DISC1: variants seen among roughly 807,000 people sequenced by gnomAD.
DISC1 encodes the protein DISC1 scaffold protein.
Under a neutral mutation model 84.5 loss-of-function variants are expected in DISC1, and 57 were observed. The ratio of observed to expected loss-of-function variants is 0.67; its 90% CI spans 0.55 to 0.84. The LOEUF (loss-of-function observed/expected upper bound fraction) is 0.84. DISC1 is among the 40% of genes least tolerant of loss of function. DISC1 has a pLI of 0.00. For missense variants in DISC1, 1,000 were observed against 1,057.8 expected (o/e 0.95, Z 0.76); for synonymous variants, 411 against 415.2 (o/e 0.99, Z 0.12).
At chr1:231,939,259 T>G (rs2091160812) in intron 9 of DISC1, among the ~76,000 whole-genome samples, 3 of 152,220 alleles carry the variant, frequency 2.0e-5, no homozygotes, top group Admixed American at 2.0e-4. Context: ...TTAATGCTGT[T>G]TTTTCACCGT....
At chr1:231,767,384 C>G in intron 5 of DISC1, 115 bp downstream of exon 5, 2 of 1,436,044 alleles carry the variant, frequency 1.4e-6, no homozygotes, top group Non-Finnish European at 1.9e-6. Flanking sequence ...CTCATTGCAG[C>G]CTTGAGCTCC....
In DISC1 at chr1:231,942,494, G is replaced by A. The variant is rs886462895; in HGVS notation, c.1982-16334G>A. 3.3e-5 allele frequency among the ~76,000 whole-genome samples: 5 copies of A among 152,106 alleles called. No individual in the cohort carries two copies. The East Asian group carries it at 5.8e-4, about 18-fold the overall frequency. On this transcript the variant is annotated intron_variant, in intron 9 of 12. Transcript: ENST00000439617. ...ACCGTGGCTAATATGGTGAAACCCC[G>A]TCTCTACTAAAAATACAAAAATTAG...
At chr1:231,647,935 C>T (rs2060274953) in intron 1 of DISC1, among the ~76,000 whole-genome samples, 1 of 152,188 alleles carries the variant, frequency 6.6e-6, no homozygotes, top group South Asian at 2.1e-4. Flanking sequence ...ACTGAAGTTG[C>T]TTATCTGCTT....
chr1:231,674,156 C>G (rs2062905699), intron 1 of DISC1, among the ~76,000 whole-genome samples: 1 of 152,136 alleles, frequency 6.6e-6, no homozygotes, highest in South Asian at 2.1e-4. Flanking sequence ...ATGTTAAGAG[C>G]TTAGAATATG....
At chr1:232,018,931 G>T (rs1215951581) in intron 11 of DISC1, among the ~76,000 whole-genome samples, 1 of 152,144 alleles carries the variant, frequency 6.6e-6, no homozygotes, top group African/African-American at 2.4e-5. Flanking sequence ...CTTCTTGTTG[G>T]TTTTCCTTCC....
At chr1:231,958,797 A>G (rs1344373917) in intron 9 of DISC1, 31 bp from the exon 10 acceptor site, 7 of 1,606,530 alleles carry the variant, frequency 4.4e-6, no homozygotes, top group South Asian at 1.1e-5. Flanking sequence ...CTGCAGTTGC[A>G]TTAACTTTGG....
chr1:231,970,615 TGGTG>T (rs1661811707), intron 10 of DISC1, among the ~76,000 whole-genome samples: 1 of 152,146 alleles, frequency 6.6e-6, no homozygotes, highest in African/African-American at 2.4e-5. Flanking sequence ...TCAAATGCGG[TGGTG>T]TTTTTGAAAG....
At chr1:231,939,829 G>T (rs188092217) in intron 9 of DISC1, among the ~76,000 whole-genome samples, 39 of 151,726 alleles carry the variant, frequency 2.6e-4, no homozygotes, top group African/African-American at 9.4e-4. Flanking sequence ...CGCAACCTCC[G>T]CCTCCCAGGT....
intron 9 of DISC1, among the ~76,000 whole-genome samples, chr1:231,863,300 G>C (rs2084814947): frequency 8.1e-6 from 1 of 123,476 alleles, no homozygotes; most frequent in Non-Finnish European, 1.6e-5. Flanking sequence ...GTGCGATCTT[G>C]GCTCACTGCG....
At chr1:231,905,845 G>A (rs1488003487) in intron 9 of DISC1, among the ~76,000 whole-genome samples, 2 of 151,888 alleles carry the variant, frequency 1.3e-5, no homozygotes, top group Non-Finnish European at 2.9e-5. Context: ...TTATATTGTG[G>A]TTATTTAGGA....
intron 6 of DISC1, among the ~76,000 whole-genome samples, chr1:231,792,180 G>A (rs1448579653): frequency 1.3e-5 from 2 of 152,236 alleles, no homozygotes; most frequent in East Asian, 1.9e-4. Context: ...AAGGAATATA[G>A]CATAAATTAA....
chr1:232,031,522 A>G lies in DISC1; in HGVS notation c.2425+4970A>G, dbSNP rs573664506. Among the ~76,000 whole-genome samples, 2 of 152,142 alleles carry G rather than the reference A, an allele frequency of 1.3e-5. No individual in the cohort carries two copies. The highest frequency in any genetic ancestry group is 4.2e-4 in the South Asian group (2 of 4,812). The stretch of plus-strand genomic sequence containing the variant: ...AAAGGAAAGGAAAGGAAAGAAAGAA[A>G]AGGAAAGGAAAGAAAGAAAACCCAG... On this transcript the variant is annotated intron_variant, in intron 12 of 12. Coordinates refer to ENST00000439617, the MANE Select transcript of DISC1 (RefSeq NM_018662.3). The surrounding 1 kb of genome is among the most constrained non-coding windows in gnomAD (Gnocchi z 4.6).
intron 12 of DISC1, among the ~76,000 whole-genome samples, chr1:232,026,971 G>A (rs1048056338): frequency 5.3e-5 from 8 of 151,954 alleles, no homozygotes; most frequent in Non-Finnish European, 1.0e-4. Flanking sequence ...GGCTGGTCTA[G>A]AACTCCTGAC....
rs1445204106 is a variant in DISC1, at chr1:232,036,686, G to A, written c.2426-6G>A. 2 of 1,587,346 alleles carry A rather than the reference G, an allele frequency of 1.3e-6. No individual in the cohort carries two copies. Among genetic ancestry groups the A allele is most frequent in the African/African-American group, 1.3e-5 (1 of 74,474 alleles). ...CTTCGAATGTGCTCCTTAACAATGT[G>A]CCCACAGTCTCTCAGGAGGGAGCTC... On this transcript the variant is annotated splice_polypyrimidine_tract_variant and splice_region_variant and intron_variant, in intron 12 of 12. Transcript: ENST00000439617.
chr1:231,924,800 G>A (rs2090245992), intron 9 of DISC1, among the ~76,000 whole-genome samples: 2 of 151,904 alleles, frequency 1.3e-5, no homozygotes, highest in Non-Finnish European at 2.9e-5. Flanking sequence ...GGGATTACAG[G>A]CGCCTGCCAC....
intron 3 of DISC1, among the ~76,000 whole-genome samples, chr1:231,735,040 A>G (rs1189951564): frequency 1.3e-5 from 2 of 152,216 alleles, no homozygotes; most frequent in African/African-American, 2.4e-5. Context: ...TATTTTAATA[A>G]TACAATAATT....
intron 6 of DISC1, among the ~76,000 whole-genome samples, chr1:231,791,513 G>A (rs1431167628): frequency 1.3e-5 from 2 of 152,322 alleles, no homozygotes; most frequent in Non-Finnish European, 2.9e-5. Flanking sequence ...GAATTTGGGA[G>A]AGTGTCTGGT....
At chr1:231,870,741 A>C (rs1450629325) in intron 9 of DISC1, among the ~76,000 whole-genome samples, 1 of 152,234 alleles carries the variant, frequency 6.6e-6, no homozygotes, top group Non-Finnish European at 1.5e-5. Context: ...TTAACCTATT[A>C]CAAACTCTGT....
At chr1:231,964,644 G>C (rs111347268) in intron 10 of DISC1, among the ~76,000 whole-genome samples, 97 of 152,354 alleles carry the variant, frequency 6.4e-4, no homozygotes, top group African/African-American at 2.2e-3. Flanking sequence ...CAGGCTCTCT[G>C]TGACAGAGCC....
Sources: allele counts gnomAD v4.1 joint callset (sites outside exome capture counted in the v4.1 genomes callset), GRCh38; gene constraint gnomAD v4.1.1; non-coding constraint Gnocchi (gnomAD v3.1); transcripts MANE v1.5; gene names NCBI Gene and HGNC (gene_info 2026-07-23, HGNC 2026-07-21).